Variants in SPTBN5 observed in about 807,000 individuals in gnomAD.
The protein encoded by SPTBN5 is spectrin beta, non-erythrocytic 5.
SPTBN5 carries 513 observed loss-of-function variants against 477.6 expected under a neutral mutation model. The ratio of observed to expected loss-of-function variants is 1.07; its 90% CI spans 1.00 to 1.16. The LOEUF is 1.16. Ranked by LOEUF, SPTBN5 falls within the 50% of genes most tolerant of loss-of-function variation. The pLI is 0.00. For missense variants in SPTBN5, 5,062 were observed against 4,731.8 expected (o/e 1.07, Z -2.05); for synonymous variants, 2,169 against 2,011.7 (o/e 1.08, Z -2.09).
rs2140952430 is a variant in SPTBN5, at chr15:41,877,245, C to A, written c.3582G>T (p.Lys1194Asn). 2 of 1,614,014 alleles carry A rather than the reference C, an allele frequency of 1.2e-6. No individual in the cohort carries two copies. Among genetic ancestry groups the A allele is most frequent in the East Asian group, 4.5e-5 (2 of 44,884 alleles). ...RVLGQQGQEL[K>N]VLWEQRQQWL... ...ACTGCTGCCTCTGCTCCCACAAAACCTTCAGCTCCTGGCCCTGCTGCCCCA... is the reference window on the plus strand; with the variant it reads ...ACTGCTGCCTCTGCTCCCACAAAACATTCAGCTCCTGGCCCTGCTGCCCCA... Residue 1194 changes from lysine (K) to asparagine (N), a missense_variant, in exon 18 of 68, where the codon AAG becomes AAT. Lys to Asn is a moderately conservative substitution (Grantham distance 94). Transcript: ENST00000320955.
chr15:41,852,701 C>T lies in SPTBN5; in HGVS notation c.10382G>A (p.Arg3461Lys). ...CAGCAGCTTTTCTAAGTCCTGGTGTCTGTGCAGCAGCAACTCCACATCTGA... is the reference window on the plus strand; with the variant it reads ...CAGCAGCTTTTCTAAGTCCTGGTGTTTGTGCAGCAGCAACTCCACATCTGA... The part of the protein sequence containing the change: ...SVSDVELLLH[R>K]HQDLEKLLAA... The change falls in exon 61 of 68, where the codon AGA becomes AAA. Residue 3461 changes from arginine to lysine, a missense_variant. Physicochemically the swap from Arg to Lys is conservative, Grantham distance 26. Coordinates refer to ENST00000320955, the MANE Select transcript of SPTBN5 (RefSeq NM_016642.4). 6.2e-7 allele frequency: 1 copy of T among 1,613,242 alleles called. No individual in the cohort carries two copies. Among genetic ancestry groups the T allele is most frequent in the Non-Finnish European group, 8.5e-7 (1 of 1,179,814 alleles).
chr15:41,885,036 T>G (rs2067102285), intron 7 of SPTBN5, among the ~76,000 whole-genome samples: 1 of 152,188 alleles, frequency 6.6e-6, no homozygotes, highest in Non-Finnish European at 1.5e-5. Flanking sequence ...ATTGTTATTA[T>G]TTTTGGAGAT....
intron 42 of SPTBN5, 64 bp downstream of exon 42, chr15:41,862,726 C>T (rs1041095115): frequency 2.1e-5 from 32 of 1,541,824 alleles, no homozygotes; most frequent in Non-Finnish European, 2.4e-5. Context: ...CCCCTCCTCC[C>T]CACTTGTGCC....
At chr15:41,876,703 C>G (rs1190515303) in intron 19 of SPTBN5, 56 bp from the exon 20 acceptor site, 4 of 1,587,866 alleles carry the variant, frequency 2.5e-6, no homozygotes, top group Non-Finnish European at 3.4e-6. Context: ...CACCCCAGCA[C>G]GAGGTGCACT....
chr15:41,866,251 A>G, intron 37 of SPTBN5, 22 bp from the exon 38 acceptor site: 1 of 1,583,312 alleles, frequency 6.3e-7, no homozygotes, highest in Non-Finnish European at 8.6e-7. Context: ...GAGGGGACAC[A>G]GGACATCTTG....
At position 41,851,055 on chromosome 15, in the gene SPTBN5, T is replaced by G. The variant is rs756949027; in HGVS notation, c.10835+4A>C. 3.7e-6 allele frequency: 6 copies of G among 1,610,874 alleles called. No individual in the cohort carries two copies. Among genetic ancestry groups the G allele is most frequent in the Non-Finnish European group, 5.1e-6 (6 of 1,179,024 alleles). ...GATGCCGGAGTCCATGTCTCTCCGC[T>G]CACCTTAAGGAGAATGTGTGTTTCC... On this transcript the variant is annotated splice_donor_region_variant and intron_variant, in intron 65 of 67. Coordinates refer to ENST00000320955, the MANE Select transcript of SPTBN5 (RefSeq NM_016642.4).
Position 41,862,557 on chromosome 15 carries a change from C to T in SPTBN5, c.7367G>A (p.Arg2456Gln), listed in dbSNP as rs772728092. The T allele has an allele frequency of 1.4e-5, 22 of 1,565,780 alleles. No homozygotes were observed. Among genetic ancestry groups the T allele is most frequent in the Admixed American group, 3.8e-5 (2 of 53,062 alleles). ...QEVAESWWQL[R>Q]SRAQKRREAL... Reference sequence around the variant, plus strand: ...TTCATACCGCTTCTGGGCCCTGCTCCGGAGCTGCCACCAGCTCTCAGCCAC... The same window carrying T: ...TTCATACCGCTTCTGGGCCCTGCTCTGGAGCTGCCACCAGCTCTCAGCCAC... The change falls in exon 43 of 68, where the codon CGG (arginine) becomes CAG (glutamine). Residue 2456 changes from arginine (R) to glutamine (Q), a missense_variant. Coordinates refer to ENST00000320955, the MANE Select transcript of SPTBN5 (RefSeq NM_016642.4).
chr15:41,852,308 C>T lies in SPTBN5; in HGVS notation c.10458G>A (p.Gln3486=), dbSNP rs772856861. 3 of 1,587,094 alleles carry T rather than the reference C, an allele frequency of 1.9e-6. No homozygotes were observed. In the South Asian group the frequency reaches 3.4e-5, roughly 18 times the overall value. Residue 3486 remains glutamine, a synonymous_variant, in exon 62 of 68, where the codon CAG becomes CAA. Transcript: ENST00000320955. ...GCTCCTGTGGCTGCAGCAGGAGCTC[C>T]TGTTCCATCTTGGGGAGTGGGCAAG... The part of the protein sequence containing the change: ...FAQMQKTEME[Q]ELLLQPQELK...
intron 46 of SPTBN5, 50 bp from the exon 47 acceptor site, chr15:41,860,808 C>T (rs1490068927): frequency 9.2e-6 from 13 of 1,416,602 alleles, no homozygotes; most frequent in Non-Finnish European, 1.1e-5. Context: ...CCCCTCCCAT[C>T]CCAGGCTACC....
At position 41,869,706 on chromosome 15, in the gene SPTBN5, G is replaced by A. The variant is rs1030525955; in HGVS notation, c.5853+135C>T. 2.1e-5 allele frequency: 19 copies of A among 923,828 alleles called. No individual in the cohort carries two copies. In the African/African-American group the frequency reaches 2.4e-4, roughly 12 times the overall value. 57.2% of individuals were successfully genotyped at this position (923,828 alleles called of 1,614,324 possible). On this transcript the variant is annotated intron_variant, in intron 32 of 67. Coordinates refer to ENST00000320955, the MANE Select transcript of SPTBN5 (RefSeq NM_016642.4). ...CCCTGACCAGCCAGACTGACATCCC[G>A]TGTGCTCGTGCTCTCCCACCCAAGT...
chr15:41,855,125 G>T, intron 55 of SPTBN5, 99 bp downstream of exon 55: 1 of 1,458,320 alleles, frequency 6.9e-7, no homozygotes, highest in Non-Finnish European at 9.2e-7. Flanking sequence ...ACCCTCTCCA[G>T]GCTCCTTTCT....
At chr15:41,866,539 GCCCCA>G (rs781553625) in intron 36 of SPTBN5, 46 bp from the exon 37 acceptor site, 1 of 1,476,286 alleles carries the variant, frequency 6.8e-7, no homozygotes, top group African/African-American at 1.4e-5. Flanking sequence ...GCAGCCTCAG[GCCCCA>G]GACGCCACAG....
At position 41,867,592 on chromosome 15, in the gene SPTBN5, C is replaced by T. The variant is rs1267284396; in HGVS notation, c.6258G>A (p.Gln2086=). The part of the protein sequence containing the change: ...ALGSSVEEVE[Q]LIRKHEVFLK... Reference sequence around the variant, plus strand: ...GGAAGACCTCGTGCTTGCGAATCAACTGCTCTACCTCTTCCACCGAGCTCC... The same window carrying T: ...GGAAGACCTCGTGCTTGCGAATCAATTGCTCTACCTCTTCCACCGAGCTCC... The change falls in exon 35 of 68, where the codon CAG becomes CAA. Residue 2086 remains glutamine, a synonymous_variant. Transcript: ENST00000320955. The T allele has an allele frequency of 1.2e-6, 2 of 1,613,882 alleles. No homozygotes were observed. Among genetic ancestry groups the T allele is most frequent in the Non-Finnish European group, 8.5e-7 (1 of 1,179,896 alleles).
At chr15:41,852,554 G>A (rs1469109247) in intron 61 of SPTBN5, 80 bp downstream of exon 61, 2 of 1,483,920 alleles carry the variant, frequency 1.3e-6, no homozygotes, top group South Asian at 1.1e-5. Context: ...AGGGCTCAGT[G>A]CCCTGGGAGA....
At chr15:41,870,823 C>T (rs1360111303) in intron 29 of SPTBN5, among the ~76,000 whole-genome samples, 1 of 152,264 alleles carries the variant, frequency 6.6e-6, no homozygotes, top group Admixed American at 6.5e-5. Context: ...ATACTCTTTA[C>T]ATCCTGTGCT....
chr15:41,876,769 A>T, intron 19 of SPTBN5, 40 bp downstream of exon 19: 1 of 1,608,532 alleles, frequency 6.2e-7, no homozygotes, highest in African/African-American at 1.3e-5. Flanking sequence ...AGGCTGAGAA[A>T]GGGTCATCTG....
Position 41,857,424 on chromosome 15 carries a change from G to T in SPTBN5, c.8435C>A (p.Ala2812Asp). 6.2e-7 allele frequency: 1 copy of T among 1,602,666 alleles called. No individual in the cohort carries two copies. The highest frequency in any genetic ancestry group is 1.7e-4 in the Middle Eastern group (1 of 6,040). Residue 2812 changes from alanine (A) to aspartate (D), a missense_variant, in exon 51 of 68, where the codon GCC becomes GAC. Ala to Asp is a moderately radical substitution (Grantham distance 126). Coordinates refer to ENST00000320955, the MANE Select transcript of SPTBN5 (RefSeq NM_016642.4). ...AGGCAGGGCCTGGCCCACAGTGGGG[G>T]CTCTCAGCTCAACCTCGATGGGCTC... ...WLEPIEVELR[A>D]PTVGQALPGV...
At position 41,880,246 on chromosome 15, in the gene SPTBN5, G is replaced by A. The variant is rs374422577; in HGVS notation, c.2725C>T (p.Gln909Ter). The A allele has an allele frequency of 6.2e-7, 1 of 1,607,498 alleles. No homozygotes were observed. Among genetic ancestry groups the A allele is most frequent in the Non-Finnish European group, 8.5e-7 (1 of 1,177,468 alleles). ...FGFCSSCGEL[Q>*]LWLEKQTVLL... ...ACTGTCTGCTTCTCCAGCCACAACT[G>A]GAGCTCCCCACAGGAACTGCAGAAA... The change falls in exon 14 of 68, where the codon CAG (glutamine) becomes TAG (stop). Residue 909 changes from glutamine to a stop codon, truncating the protein, a stop_gained. Transcript: ENST00000320955. LOFTEE classifies it high-confidence loss of function.
At position 41,862,883 on chromosome 15, in the gene SPTBN5, C is replaced by G. The variant is rs1401575324; in HGVS notation, c.7170G>C (p.Leu2390=). The stretch of plus-strand genomic sequence containing the variant: ...CGCTCTCCAGATCTTTCCCACAGTC[C>G]AGGGCCTGGATCAGGGCTTCCTGGA... ...IQEKEALIQA[L]DCGKDLESVQ... The change falls in exon 42 of 68, where the codon CTG becomes CTC. Residue 2390 remains leucine, a synonymous_variant. Transcript: ENST00000320955. 6.3e-7 allele frequency: 1 copy of G among 1,584,138 alleles called. No homozygotes were observed. The highest frequency in any genetic ancestry group is 1.8e-5 in the Admixed American group (1 of 55,894).
Sources: gnomAD v4.1 joint callset for allele counts (sites outside exome capture counted in the v4.1 genomes callset) on GRCh38, gnomAD v4.1.1 for gene constraint, MANE v1.5 for transcripts, NCBI Gene and HGNC (gene_info 2026-07-23, HGNC 2026-07-21) for gene names.